LYST: variants seen among roughly 807,000 people sequenced by gnomAD.
LYST encodes the protein lysosomal-trafficking regulator.
LYST carries 192 observed loss-of-function variants against 413.6 expected under a neutral mutation model. The observed-to-expected ratio is 0.46, with a 90% CI of 0.41 to 0.52. The LOEUF (loss-of-function observed/expected upper bound fraction) is 0.52. Among genes scored for constraint, LYST ranks in the 20% least tolerant of loss-of-function variants. LYST has a pLI of 0.00. For missense variants in LYST, 3,815 were observed against 4,499.9 expected, an observed-to-expected ratio of 0.85 and a Z score of 4.35; for synonymous variants, 1,525 against 1,567.3, an observed-to-expected ratio of 0.97 and a Z score of 0.64.
At position 235,730,772 on chromosome 1, in the gene LYST, A is replaced by G. The variant is rs534273568; in HGVS notation, c.9044+75T>C. On this transcript the variant is annotated intron_variant, in intron 36 of 52. Coordinates refer to ENST00000389793, the MANE Select transcript of LYST (RefSeq NM_000081.4). ...TCTGAAAATGATGGCATTATATAAA[A>G]TAAATATTACATAAACACTACAATA... is the stretch of plus-strand genomic sequence containing the variant. 2.5e-5 allele frequency: 26 copies of G among 1,032,148 alleles called. No homozygotes were observed. The South Asian group carries it at 3.3e-4, about 13-fold the overall frequency. The allele number at this position is 1,032,148 out of a possible 1,614,324, so 63.9% of individuals were successfully genotyped here. A position where few individuals can be genotyped will look rare whatever the true frequency, so the allele number is the denominator to read the frequency against.
intron 2 of LYST, among the ~76,000 whole-genome samples, chr1:235,831,497 T>C (rs1036197137): frequency 5.3e-5 from 8 of 152,022 alleles, no homozygotes; most frequent in Non-Finnish European, 8.8e-5. Context: ...TAGCTGAGGG[T>C]CAGAAGAAGC....
At chr1:235,863,771 A>C (rs1277792736) in intron 1 of LYST, among the ~76,000 whole-genome samples, 1 of 152,180 alleles carries the variant, frequency 6.6e-6, no homozygotes, top group Admixed American at 6.5e-5. Context: ...AGGTAACGTA[A>C]AAAGTGTCTT....
chr1:235,718,037 T>C (rs908575668), intron 40 of LYST, among the ~76,000 whole-genome samples: 1 of 152,044 alleles, frequency 6.6e-6, no homozygotes, highest in Non-Finnish European at 1.5e-5. Flanking sequence ...CTAATTTTTG[T>C]ATTTTTATTA....
chr1:235,824,792 C>T lies in LYST; in HGVS notation c.192+5434G>A, dbSNP rs531534033. Among the ~76,000 whole-genome samples the T allele has an allele frequency of 1.6e-4, 25 of 152,142 alleles. No homozygotes were observed. The East Asian group carries it at 1.7e-3, about 11-fold the overall frequency. On this transcript the variant is annotated intron_variant, in intron 3 of 52. Coordinates refer to ENST00000389793, the MANE Select transcript of LYST (RefSeq NM_000081.4). ...ATCCCAGCACTTTGGGTGGCTGAGGCGGGTGGATCACGAGGTCAGGAGTTC... is the reference window on the plus strand; with the variant it reads ...ATCCCAGCACTTTGGGTGGCTGAGGTGGGTGGATCACGAGGTCAGGAGTTC...
rs745863011 is a variant in LYST at position 235,792,055 on chromosome 1, G to A, written c.4187C>T (p.Thr1396Ile). The A allele has an allele frequency of 6.2e-7, 1 of 1,613,664 alleles. No homozygotes were observed. The highest frequency in any genetic ancestry group is 8.5e-7 in the Non-Finnish European group (1 of 1,179,598). Reference protein sequence around the residue: ...DTTMSPSQYLTFPLLHAPNLS... With the variant: ...DTTMSPSQYLIFPLLHAPNLS... ...ATTTGGAGCGTGCAGTAAAGGGAAG[G>A]TTAGATACTGTGAAGGGCTCATAGT... Residue 1396 changes from threonine to isoleucine, a missense_variant, in exon 12 of 53, where the codon ACC (threonine) becomes ATC (isoleucine). Coordinates refer to ENST00000389793, the MANE Select transcript of LYST (RefSeq NM_000081.4).
At position 235,777,287 on chromosome 1, in the gene LYST, T is replaced by C. The variant is rs375135845; in HGVS notation, c.5236A>G (p.Thr1746Ala). The change falls in exon 17 of 53, where the codon ACA becomes GCA. Residue 1746 changes from threonine to alanine, a missense_variant. Thr to Ala is a moderately conservative substitution (Grantham distance 58). Coordinates refer to ENST00000389793, the MANE Select transcript of LYST (RefSeq NM_000081.4). ...GTATACTGAGCAGGACAGTAAGTTG[T>C]ATAAACAACTGAAAGACTTTCCTGA... is the stretch of plus-strand genomic sequence containing the variant. ...LLIESLSVVY[T>A]TYCPAQYTIY... The C allele has an allele frequency of 1.2e-6, 2 of 1,612,578 alleles. No homozygotes were observed.
intron 44 of LYST, among the ~76,000 whole-genome samples, chr1:235,706,172 C>T (rs771332220): frequency 7.9e-5 from 12 of 152,142 alleles, no homozygotes; most frequent in Admixed American, 2.6e-4. Flanking sequence ...TTATTTTATA[C>T]TTGATGGAGT....
chr1:235,772,739 T>C (rs1196768118), intron 19 of LYST, among the ~76,000 whole-genome samples: 1 of 152,164 alleles, frequency 6.6e-6, no homozygotes, highest in Non-Finnish European at 1.5e-5. Context: ...AGTGTATCCA[T>C]TTCCCTCTCC....
intron 1 of LYST, among the ~76,000 whole-genome samples, chr1:235,856,117 C>T (rs1235581430): frequency 1.3e-5 from 2 of 152,072 alleles, no homozygotes; most frequent in African/African-American, 2.4e-5. Context: ...TTCCCTACCA[C>T]ACTGGGTAGT....
chr1:235,678,709 T>A (rs1382549064), intron 48 of LYST, among the ~76,000 whole-genome samples: 2 of 152,250 alleles, frequency 1.3e-5, no homozygotes, highest in Non-Finnish European at 2.9e-5. Flanking sequence ...ATAATTTGTG[T>A]ACTGTTCTAC....
chr1:235,825,968 TA>T (rs1675287822), intron 3 of LYST, among the ~76,000 whole-genome samples: 1 of 152,164 alleles, frequency 6.6e-6, no homozygotes, highest in Non-Finnish European at 1.5e-5. Flanking sequence ...AGGGTACTGA[TA>T]AAAGACTACA....
At chr1:235,842,714 T>C (rs1390473069) in intron 1 of LYST, among the ~76,000 whole-genome samples, 1 of 152,218 alleles carries the variant, frequency 6.6e-6, no homozygotes, top group Non-Finnish European at 1.5e-5. Flanking sequence ...CCCTGGATTA[T>C]TTCCTTTACC....
intron 45 of LYST, among the ~76,000 whole-genome samples, chr1:235,699,988 A>C (rs909781974): frequency 6.6e-6 from 1 of 152,200 alleles, no homozygotes; most frequent in Admixed American, 6.5e-5. Context: ...GCAATGGGGA[A>C]AGGATTCCCT....
Position 235,697,290 on chromosome 1 carries a change from A to T in LYST, c.10375-18T>A. On this transcript the variant is annotated intron_variant, in intron 45 of 52. Transcript: ENST00000389793. ...AAAGGACTCTAAAATGAAGAAAAAT[A>T]AAAAGTATGGCTTTTTAAAAGGTGG... 6.3e-7 allele frequency: 1 copy of T among 1,594,874 alleles called. No homozygotes were observed. Among genetic ancestry groups the T allele is most frequent in the South Asian group, 1.1e-5 (1 of 90,310 alleles).
intron 48 of LYST, among the ~76,000 whole-genome samples, chr1:235,682,578 T>G (rs866796368): frequency 1.3e-5 from 2 of 152,160 alleles, no homozygotes; most frequent in Non-Finnish European, 2.9e-5. Flanking sequence ...GCTCTTAGAA[T>G]AAGATCATCC....
rs1180748947 is a variant in LYST at position 235,838,426 on chromosome 1, T to C, written c.-97-4759A>G. On this transcript the variant is annotated intron_variant, in intron 1 of 52. Coordinates refer to ENST00000389793, the MANE Select transcript of LYST (RefSeq NM_000081.4). The stretch of plus-strand genomic sequence containing the variant: ...CTGCAGCATTCTCCTAATCTGTAAA[T>C]GTAGACTCTATAGGTAGAAACTGGG... 2.0e-5 allele frequency among the ~76,000 whole-genome samples: 3 copies of C among 152,214 alleles called. No individual in the cohort carries two copies. In the East Asian group the frequency reaches 5.8e-4, roughly 29 times the overall value.
At chr1:235,695,629 A>ATTTTTTTTTTTT (rs148101450) in intron 46 of LYST, among the ~76,000 whole-genome samples, 57 of 116,410 alleles carry the variant, frequency 4.9e-4, no homozygotes, top group African/African-American at 1.9e-3. Flanking sequence ...CAGTACTCTA[A>ATTTTTTTTTTTT]TTTTTTTTTT....
intron 31 of LYST, among the ~76,000 whole-genome samples, chr1:235,740,954 C>G (rs1665340798): frequency 6.6e-6 from 1 of 152,158 alleles, no homozygotes; most frequent in Non-Finnish European, 1.5e-5. Flanking sequence ...AAACTTTATA[C>G]ACTCTGAAAT....
rs763867804 is a variant in LYST at position 235,808,508 on chromosome 1, A to G, written c.2310T>C (p.Pro770=). The change falls in exon 5 of 53, where the codon CCT becomes CCC. Residue 770 remains proline, a synonymous_variant. Transcript: ENST00000389793. ...TTACATAAATCTGAAGCACGTCCTG[A>G]GGCAAGCACTGGTTATGATGGCTAC... The part of the protein sequence containing the change: ...HVCSHHNQCL[P]QDVLQIYVKT... 4.3e-6 allele frequency: 7 copies of G among 1,613,846 alleles called. No individual in the cohort carries two copies. The Admixed American group carries it at 1.2e-4, about 27-fold the overall frequency.
Sources: allele counts gnomAD v4.1 joint callset (sites outside exome capture counted in the v4.1 genomes callset), GRCh38; gene constraint gnomAD v4.1.1; transcripts MANE v1.5; gene names NCBI Gene and HGNC (gene_info 2026-07-23, HGNC 2026-07-21).